PAFAH2: variants seen among roughly 807,000 people sequenced by gnomAD.
The protein encoded by PAFAH2 is platelet activating factor acetylhydrolase 2.
PAFAH2 carries 42 observed loss-of-function variants against 49.0 expected under a neutral mutation model. That is an observed-to-expected ratio of 0.86 (90% CI 0.67 to 1.11). The LOEUF is 1.11. PAFAH2 is among the 50% of genes least tolerant of loss of function. The probability of loss-of-function intolerance (pLI) is 0.00; values close to 1 mark genes in which losing one functional copy is unlikely to be tolerated. For missense variants in PAFAH2, 503 were observed against 501.8 expected, an observed-to-expected ratio of 1.00 and a Z score of -0.02; for synonymous variants, 184 against 181.3, an observed-to-expected ratio of 1.01 and a Z score of -0.12.
chr1:25,984,339 A>G, intron 5 of PAFAH2, 121 bp downstream of exon 5: 1 of 833,906 alleles, frequency 1.2e-6, no homozygotes, highest in Non-Finnish European at 1.9e-6. Context: ...TCTCTCCTTT[A>G]AAAGTGGTAT....
At chr1:25,981,910 A>G (rs1453422267) in intron 7 of PAFAH2, among the ~76,000 whole-genome samples, 1 of 151,722 alleles carries the variant, frequency 6.6e-6, no homozygotes, top group Non-Finnish European at 1.5e-5. Context: ...AATCCCAGAA[A>G]CTCAGGAGGC....
At chr1:25,984,160 C>A in intron 5 of PAFAH2, 73 bp from the exon 6 acceptor site, 2 of 1,571,834 alleles carry the variant, frequency 1.3e-6, no homozygotes, top group East Asian at 2.2e-5. Context: ...ACCAAAGCCT[C>A]CCTTTCATCC....
At chr1:25,975,169 T>A (rs1333363691) in intron 8 of PAFAH2, among the ~76,000 whole-genome samples, 1 of 152,148 alleles carries the variant, frequency 6.6e-6, no homozygotes, top group Non-Finnish European at 1.5e-5. Context: ...CCAAGAGCAA[T>A]ATTATGGGCC....
chr1:25,985,181 C>T (rs2049764235), intron 4 of PAFAH2, among the ~76,000 whole-genome samples: 1 of 152,138 alleles, frequency 6.6e-6, no homozygotes, highest in Non-Finnish European at 1.5e-5. Context: ...CTGATCCCTT[C>T]CCAGTTCAAA....
chr1:25,989,048 A>G (rs1033862353), intron 3 of PAFAH2, among the ~76,000 whole-genome samples: 2 of 152,084 alleles, frequency 1.3e-5, no homozygotes, highest in African/African-American at 4.8e-5. Flanking sequence ...TGATACACAC[A>G]ATAGCTGGCA....
intron 7 of PAFAH2, among the ~76,000 whole-genome samples, chr1:25,977,817 G>A (rs1029999909): frequency 3.9e-5 from 6 of 152,112 alleles, no homozygotes; most frequent in East Asian, 1.9e-4. Context: ...CATGGACTGA[G>A]CTGAGGGTGA....
intron 8 of PAFAH2, among the ~76,000 whole-genome samples, chr1:25,975,481 T>C (rs60747953): frequency 0.011 from 1,676 of 151,996 alleles, 23 homozygotes; most frequent in African/African-American, 0.039. Flanking sequence ...ATTTGAGAGG[T>C]TGAGGCATCA....
chr1:25,971,485 T>C (rs2124327548), intron 10 of PAFAH2, among the ~76,000 whole-genome samples: 1 of 151,218 alleles, frequency 6.6e-6, no homozygotes, highest in African/African-American at 2.4e-5. Flanking sequence ...AGAAATGGAA[T>C]AAACAGCTGC....
rs745483063 is a variant in PAFAH2 at position 25,974,626 on chromosome 1, C to A, written c.783G>T (p.Trp261Cys). 6.2e-7 allele frequency: 1 copy of A among 1,613,926 alleles called. No individual in the cohort carries two copies. The highest frequency in any genetic ancestry group is 2.2e-5 in the East Asian group (1 of 44,876). The change falls in exon 9 of 11, where the codon TGG (tryptophan) becomes TGT (cysteine). Residue 261 changes from tryptophan (W) to cysteine (C), a missense_variant. Physicochemically the swap from Trp to Cys is radical, Grantham distance 215. Coordinates refer to ENST00000374282, the MANE Select transcript of PAFAH2 (RefSeq NM_000437.4). Reference protein sequence around the residue: ...QFRCAVALDAWMFPLERDFYP... With the variant: ...QFRCAVALDACMFPLERDFYP... ...AAAAGTCACGTTCCAGAGGAAACAT[C>A]CAAGCATCCAGAGCCACCGCACACC... is the stretch of plus-strand genomic sequence containing the variant.
At chr1:25,977,097 A>G (rs1257154) in intron 7 of PAFAH2, among the ~76,000 whole-genome samples, 19,226 of 134,620 alleles carry the variant, frequency 0.14, 1,349 homozygotes, top group Middle Eastern at 0.26. Flanking sequence ...ATCTCGGCTC[A>G]CTGCAAGCTC....
At chr1:25,977,732 G>A (rs1016214129) in intron 7 of PAFAH2, among the ~76,000 whole-genome samples, 1 of 151,198 alleles carries the variant, frequency 6.6e-6, no homozygotes, top group Non-Finnish European at 1.5e-5. Flanking sequence ...ATCAGTTTAT[G>A]AGCATGTTAA....
chr1:25,991,026 C>T lies in PAFAH2; in HGVS notation c.-47-163G>A, dbSNP rs1187376911. The T allele has an allele frequency of 9.7e-6, 5 of 516,094 alleles. No homozygotes were observed. The East Asian group carries it at 9.9e-5, about 10-fold the overall frequency. The allele number at this position is 516,094 out of a possible 1,614,324, so 32.0% of individuals were successfully genotyped here. A position where few individuals can be genotyped will look rare whatever the true frequency, so the allele number is the denominator to read the frequency against. On this transcript the variant is annotated intron_variant, in intron 1 of 10. Coordinates refer to ENST00000374282, the MANE Select transcript of PAFAH2 (RefSeq NM_000437.4). Reference sequence around the variant, plus strand: ...CTACTACTTTGCTACATTGCCTTTGCCAAGGTTGGGGGTTGTTTTTTATTT... The same window carrying T: ...CTACTACTTTGCTACATTGCCTTTGTCAAGGTTGGGGGTTGTTTTTTATTT...
At chr1:25,971,331 A>G (rs1206218902) in intron 10 of PAFAH2, among the ~76,000 whole-genome samples, 1 of 152,136 alleles carries the variant, frequency 6.6e-6, no homozygotes, top group Non-Finnish European at 1.5e-5. Context: ...GAGCTGATAC[A>G]ATCAAATTGC....
At chr1:25,983,544 A>G (rs2049727033) in intron 6 of PAFAH2, among the ~76,000 whole-genome samples, 1 of 142,520 alleles carries the variant, frequency 7.0e-6, no homozygotes, top group Admixed American at 7.4e-5. Context: ...GCGACAGAGC[A>G]AGATCCTGTC....
chr1:25,965,454 T>C (rs1020267276), intron 10 of PAFAH2, among the ~76,000 whole-genome samples: 16 of 151,934 alleles, frequency 1.1e-4, no homozygotes, highest in Non-Finnish European at 1.0e-4. Flanking sequence ...ACAGAGTAAA[T>C]AGACAACCTA....
intron 1 of PAFAH2, among the ~76,000 whole-genome samples, chr1:25,996,123 A>G (rs752455832): frequency 6.6e-6 from 1 of 152,168 alleles, no homozygotes; most frequent in Non-Finnish European, 1.5e-5. Flanking sequence ...TGGGAGATCA[A>G]ATGGGAAGGA....
intron 9 of PAFAH2, 66 bp downstream of exon 9, chr1:25,974,414 T>C (rs1345418798): frequency 1.4e-6 from 2 of 1,385,988 alleles, no homozygotes; most frequent in East Asian, 2.5e-5. Flanking sequence ...AATCCAGAAG[T>C]TAAGGGCACC....
chr1:25,972,699 G>A lies in PAFAH2; in HGVS notation c.943C>T (p.Arg315Trp), dbSNP rs768294493. The A allele has an allele frequency of 1.6e-5, 26 of 1,613,820 alleles. No homozygotes were observed. In the Admixed American group the frequency reaches 2.5e-4, roughly 16 times the overall value. ...ACAAAAGCAAAGTCAGTTTGACTCC[G>A]ATGAACAGAACCACTAGGGGAAAAG... The part of the protein sequence containing the change: ...RIITVLGSVH[R>W]SQTDFAFVTG... Residue 315 changes from arginine to tryptophan, a missense_variant, in exon 10 of 11, where the codon CGG (arginine) becomes TGG (tryptophan). Arg to Trp is a moderately radical substitution (Grantham distance 101, BLOSUM62 -3). Transcript: ENST00000374282.
chr1:25,991,229 T>TTTA (rs2049870089), intron 1 of PAFAH2, among the ~76,000 whole-genome samples: 1 of 152,170 alleles, frequency 6.6e-6, no homozygotes. Flanking sequence ...TACTGACCTC[T>TTTA]TTATAGACAC....
Sources: gnomAD v4.1 joint callset for allele counts (sites outside exome capture counted in the v4.1 genomes callset) on GRCh38, gnomAD v4.1.1 for gene constraint, MANE v1.5 for transcripts, NCBI Gene and HGNC (gene_info 2026-07-23, HGNC 2026-07-21) for gene names.